Variants in EFNA5 observed in about 807,000 individuals in gnomAD.
EFNA5 encodes ephrin A5, also known as ephrin-A5.
A neutral mutation model predicts 22.9 loss-of-function variants in EFNA5; 5 were observed. The ratio of observed to expected loss-of-function variants is 0.22; its 90% CI spans 0.11 to 0.46. The LOEUF is 0.46. Among genes scored for constraint, EFNA5 ranks in the 20% least tolerant of loss-of-function variants. EFNA5 has a pLI of 0.99. For synonymous variants in EFNA5, 113 were observed against 112.2 expected, an observed-to-expected ratio of 1.01 and a Z score of -0.04; for missense variants, 237 against 293.3, an observed-to-expected ratio of 0.81 and a Z score of 1.40.
chr5:107,426,672 C>G (rs1295108050), intron 2 of EFNA5, among the ~76,000 whole-genome samples: 1 of 152,192 alleles, frequency 6.6e-6, no homozygotes, highest in Non-Finnish European at 1.5e-5. Context: ...TACCTTGGAA[C>G]CCCTTCTAGA....
chr5:107,460,326 G>A (rs761778174), intron 1 of EFNA5, among the ~76,000 whole-genome samples: 2 of 152,036 alleles, frequency 1.3e-5, no homozygotes, highest in Non-Finnish European at 2.9e-5. Context: ...AGGATTATCG[G>A]CCCTAACCAT....
At chr5:107,412,041 C>T (rs1347644699) in intron 2 of EFNA5, among the ~76,000 whole-genome samples, 1 of 151,952 alleles carries the variant, frequency 6.6e-6, no homozygotes, top group Non-Finnish European at 1.5e-5. Context: ...AGAGTGTAGA[C>T]ACAGAAATGA....
chr5:107,615,650 A>G (rs965880720), intron 1 of EFNA5, among the ~76,000 whole-genome samples: 1 of 152,182 alleles, frequency 6.6e-6, no homozygotes, highest in Non-Finnish European at 1.5e-5. Context: ...TGGTTTCTAG[A>G]GAGCAGACCA....
intron 1 of EFNA5, among the ~76,000 whole-genome samples, chr5:107,465,556 G>A (rs1039563098): frequency 6.6e-6 from 1 of 152,114 alleles, no homozygotes; most frequent in Admixed American, 6.5e-5. Context: ...ATGGAGTGAT[G>A]ACAGTTAGCT....
intron 1 of EFNA5, among the ~76,000 whole-genome samples, chr5:107,496,174 A>AG (rs1195789536): frequency 6.6e-6 from 1 of 150,694 alleles, no homozygotes; most frequent in African/African-American, 2.4e-5. Flanking sequence ...TAAAAAAAAA[A>AG]AAAAAAAAAA....
chr5:107,647,536 A>G (rs1424594232), intron 1 of EFNA5, among the ~76,000 whole-genome samples: 1 of 152,180 alleles, frequency 6.6e-6, no homozygotes, highest in Non-Finnish European at 1.5e-5. Context: ...ACAGAATTAT[A>G]AAATAATGGA....
intron 1 of EFNA5, among the ~76,000 whole-genome samples, chr5:107,456,967 C>T (rs1355384746): frequency 1.3e-5 from 2 of 152,120 alleles, no homozygotes; most frequent in Admixed American, 6.6e-5. Flanking sequence ...TCCCTTCACG[C>T]TTACTGTTGT....
chr5:107,394,078 A>T (rs189143168), intron 2 of EFNA5, among the ~76,000 whole-genome samples: 3 of 152,330 alleles, frequency 2.0e-5, no homozygotes, highest in African/African-American at 7.2e-5. Flanking sequence ...GCATTTTCAT[A>T]CAAAGCATTT....
intron 1 of EFNA5, among the ~76,000 whole-genome samples, chr5:107,554,125 A>G (rs1012411450): frequency 7.2e-5 from 11 of 152,228 alleles, no homozygotes; most frequent in African/African-American, 2.7e-4. Context: ...GGCAAACTGT[A>G]ACTTATGTCC....
chr5:107,547,245 G>A (rs567664060), intron 1 of EFNA5, among the ~76,000 whole-genome samples: 1 of 152,162 alleles, frequency 6.6e-6, no homozygotes, highest in Admixed American at 6.5e-5. Context: ...CGGGCCCCTA[G>A]AGGAAGGTCT....
At chr5:107,449,194 G>A (rs1580458531) in intron 1 of EFNA5, among the ~76,000 whole-genome samples, 1 of 152,046 alleles carries the variant, frequency 6.6e-6, no homozygotes, top group African/African-American at 2.4e-5. Flanking sequence ...CTGAGACTAC[G>A]GCTAATTCTG....
chr5:107,407,758 G>A (rs1350541106), intron 2 of EFNA5, among the ~76,000 whole-genome samples: 2 of 152,134 alleles, frequency 1.3e-5, no homozygotes, highest in Non-Finnish European at 2.9e-5. Flanking sequence ...AAATCAATGT[G>A]TATAATACAT....
Position 107,501,193 on chromosome 5 carries a change from G to C in EFNA5, c.126-73684C>G, listed in dbSNP as rs550236298. ...AGGCCCTTGTTAAAACAATTTATTTGCATGGATTAAGCCTCACTTATAGAT... is the reference window on the plus strand; with the variant it reads ...AGGCCCTTGTTAAAACAATTTATTTCCATGGATTAAGCCTCACTTATAGAT... On this transcript the variant is annotated intron_variant, in intron 1 of 4. Coordinates refer to ENST00000333274, the MANE Select transcript of EFNA5 (RefSeq NM_001962.3). Among the ~76,000 whole-genome samples the C allele has an allele frequency of 4.6e-5, 7 of 152,260 alleles. No individual in the cohort carries two copies. The South Asian group carries it at 1.5e-3, about 32-fold the overall frequency.
At chr5:107,660,252 T>C (rs1384775720) in intron 1 of EFNA5, among the ~76,000 whole-genome samples, 1 of 92,946 alleles carries the variant, frequency 1.1e-5, no homozygotes, top group Non-Finnish European at 2.2e-5. Context: ...ACCTCTGAGA[T>C]GGCAAAAACA....
chr5:107,376,898 AATG>A lies in EFNA5; in HGVS notation c.*4354_*4356del, dbSNP rs1161784698. On this transcript the variant is annotated 3_prime_UTR_variant, in exon 5 of 5. Coordinates refer to ENST00000333274, the MANE Select transcript of EFNA5 (RefSeq NM_001962.3). Reference sequence around the variant, plus strand: ...CAAGTAGAAGGAGGGATCCAATTAAAATGATGAAAATCTTTAATTTTTATTTAG... The same window carrying A: ...CAAGTAGAAGGAGGGATCCAATTAAAATGAAAATCTTTAATTTTTATTTAG... The A allele has an allele frequency of 6.6e-6, 1 of 152,174 alleles. No homozygotes were observed. The highest frequency in any genetic ancestry group is 6.5e-5 in the Admixed American group (1 of 15,270). The allele number at this position is 152,174 out of a possible 1,614,324, so 9.4% of individuals were successfully genotyped here.
At chr5:107,472,043 TATAG>T (rs1390709126) in intron 1 of EFNA5, among the ~76,000 whole-genome samples, 1 of 152,228 alleles carries the variant, frequency 6.6e-6, no homozygotes, top group Admixed American at 6.5e-5. Context: ...TCTGAAAAGC[TATAG>T]ATATTCACAG....
At chr5:107,602,831 AAAAG>A (rs142809221) in intron 1 of EFNA5, among the ~76,000 whole-genome samples, 90,988 of 151,130 alleles carry the variant, frequency 0.6, 27,677 homozygotes, top group Middle Eastern at 0.64. Flanking sequence ...CAAAGGAGGA[AAAAG>A]AAAGAAAGAA....
chr5:107,660,491 A>C (rs1201460114), intron 1 of EFNA5, among the ~76,000 whole-genome samples: 1 of 151,366 alleles, frequency 6.6e-6, no homozygotes, highest in Non-Finnish European at 1.5e-5. Context: ...CTGTAACTAA[A>C]ATATTAATAA....
At chr5:107,422,876 T>C (rs1748709096) in intron 2 of EFNA5, among the ~76,000 whole-genome samples, 1 of 152,146 alleles carries the variant, frequency 6.6e-6, no homozygotes, top group South Asian at 2.1e-4. Context: ...CCACAGATAA[T>C]GATGACTTGG....
Sources: gnomAD v4.1 joint callset for allele counts (sites outside exome capture counted in the v4.1 genomes callset) on GRCh38, gnomAD v4.1.1 for gene constraint, MANE v1.5 for transcripts, NCBI Gene and HGNC (gene_info 2026-07-23, HGNC 2026-07-21) for gene names.